The following DCUN1D2 variants were observed in gnomAD, a reference collection of about 807,000 sequenced individuals.
DCUN1D2 encodes defective in cullin neddylation 1 domain containing 2.
A neutral mutation model predicts 30.9 loss-of-function variants in DCUN1D2; 29 were observed. The observed-to-expected ratio is 0.94, with a 90% CI of 0.70 to 1.28. The LOEUF is 1.28. Ranked by LOEUF, DCUN1D2 falls within the 50% of genes most tolerant of loss-of-function variation. The pLI, the probability that DCUN1D2 is intolerant of heterozygous loss-of-function variation, is 0.00. For synonymous variants in DCUN1D2, 121 were observed against 115.3 expected (o/e 1.05, Z -0.32); for missense variants, 325 against 316.9 (o/e 1.03, Z -0.19).
At chr13:113,490,723 G>A (rs560405965), upstream of DCUN1D2, 694 of 1,184,802 alleles carry the variant, frequency 5.9e-4, 5 homozygotes, top group African/African-American at 9.7e-3. The surrounding 1 kb of genome is among the most constrained non-coding windows in gnomAD (Gnocchi z 5.2). Context: ...CAGGCGCGGC[G>A]GCGGCTCCGC....
At chr13:113,491,402 C>T (rs1462792909), upstream of DCUN1D2, 2 of 149,604 alleles carry the variant, frequency 1.3e-5, no homozygotes, top group Non-Finnish European at 3.0e-5. Flanking sequence ...CAAGGGTCCC[C>T]TTCCTTCCTT....
intron 2 of DCUN1D2, among the ~76,000 whole-genome samples, chr13:113,481,156 C>T (rs1028071413): frequency 6.6e-6 from 1 of 152,082 alleles, no homozygotes; most frequent in Non-Finnish European, 1.5e-5. Flanking sequence ...ACAACTCTGC[C>T]AAAGTAAATG....
intron 2 of DCUN1D2, among the ~76,000 whole-genome samples, chr13:113,482,630 T>C (rs2044730016): frequency 6.6e-6 from 1 of 151,854 alleles, no homozygotes; most frequent in Admixed American, 6.6e-5. Context: ...TTTTAAAAAG[T>C]AAAAAACGAA....
intron 1 of DCUN1D2, chr13:113,484,264 A>C: frequency 1.8e-6 from 2 of 1,086,422 alleles, no homozygotes; most frequent in Non-Finnish European, 2.5e-6. Flanking sequence ...AATTATGAGA[A>C]TTAACATTTT....
In DCUN1D2 at chr13:113,480,614, A is replaced by T; in HGVS notation, c.350T>A (p.Phe117Tyr). 5 of 1,614,150 alleles carry T rather than the reference A, an allele frequency of 3.1e-6. No individual in the cohort carries two copies. Among genetic ancestry groups the T allele is most frequent in the Non-Finnish European group, 4.2e-6 (5 of 1,180,018 alleles). ...WKFRAATQCEFSRKEFLDGMT... is the reference protein window; with the variant it reads ...WKFRAATQCEYSRKEFLDGMT... Reference sequence around the variant, plus strand: ...GCCATCTAGAAATTCCTTTCTGCTAAATTCACACTGAGTTGCTGCCCTGAA... The same window carrying T: ...GCCATCTAGAAATTCCTTTCTGCTATATTCACACTGAGTTGCTGCCCTGAA... Residue 117 changes from phenylalanine to tyrosine, a missense_variant, in exon 3 of 7, where the codon TTT becomes TAT. By Grantham distance (22) the Phe-to-Tyr change is conservative (BLOSUM62 3). Coordinates refer to ENST00000478244, the MANE Select transcript of DCUN1D2 (RefSeq NM_001014283.2).
intron 4 of DCUN1D2, among the ~76,000 whole-genome samples, chr13:113,472,739 A>G (rs1322084436): frequency 6.6e-6 from 1 of 152,166 alleles, no homozygotes; most frequent in Non-Finnish European, 1.5e-5. Flanking sequence ...GGAGGTCTCG[A>G]CACTGCTGGT....
At position 113,461,199 on chromosome 13, in the gene DCUN1D2, C is replaced by A. The variant is rs142413449; in HGVS notation, c.521-63G>T. Reference sequence around the variant, plus strand: ...CTCTCTTTTTCTACTGCACAAAAAACGACCACTTCTTAGCATGTCAATATT... The same window carrying A: ...CTCTCTTTTTCTACTGCACAAAAAAAGACCACTTCTTAGCATGTCAATATT... On this transcript the variant is annotated intron_variant, in intron 4 of 6. Transcript: ENST00000478244. 754 of 1,027,886 alleles carry A rather than the reference C, an allele frequency of 7.3e-4. 5 individuals carry two copies. The African/African-American group carries it at 0.011, about 14-fold the overall frequency. 63.7% of individuals were successfully genotyped at this position (1,027,886 alleles called of 1,614,324 possible).
intron 1 of DCUN1D2, among the ~76,000 whole-genome samples, chr13:113,489,560 T>C (rs754859557): frequency 6.6e-6 from 1 of 152,038 alleles, no homozygotes; most frequent in African/African-American, 2.4e-5. Context: ...TCAGTCTCCT[T>C]TGTGGCTCTT....
chr13:113,482,804 G>A (rs1483759930), intron 2 of DCUN1D2, among the ~76,000 whole-genome samples: 2 of 152,100 alleles, frequency 1.3e-5, no homozygotes, highest in Non-Finnish European at 2.9e-5. Flanking sequence ...TTAGCTGGGC[G>A]TGGTGGCATG....
At chr13:113,470,772 C>G (rs1473968632) in intron 4 of DCUN1D2, among the ~76,000 whole-genome samples, 1 of 150,252 alleles carries the variant, frequency 6.7e-6, no homozygotes, top group Non-Finnish European at 1.5e-5. Flanking sequence ...ACAGAAGACA[C>G]AACTCCACAA....
chr13:113,461,920 G>A (rs947626497), intron 4 of DCUN1D2, among the ~76,000 whole-genome samples: 4 of 152,170 alleles, frequency 2.6e-5, no homozygotes, highest in African/African-American at 9.7e-5. Context: ...TTATATGCTT[G>A]ACACAGCAAG....
At chr13:113,468,328 G>T (rs2044442134) in intron 4 of DCUN1D2, among the ~76,000 whole-genome samples, 1 of 152,172 alleles carries the variant, frequency 6.6e-6, no homozygotes, top group Non-Finnish European at 1.5e-5. Context: ...CCCAAGAGGA[G>T]TCAACTCCAG....
chr13:113,490,221 G>A lies in DCUN1D2; in HGVS notation c.3+446C>T, dbSNP rs1189239861. On this transcript the variant is annotated intron_variant, in intron 1 of 6. Coordinates refer to ENST00000478244, the MANE Select transcript of DCUN1D2 (RefSeq NM_001014283.2). This position sits in a 1 kb window ranked among gnomAD's most constrained non-coding sequence, Gnocchi z 5.2. ...CTCCCGGCAGCAGGGCCTCCCCCGCGAATCTGAGCTTCTCGCGGATTCCTT... is the reference window on the plus strand; with the variant it reads ...CTCCCGGCAGCAGGGCCTCCCCCGCAAATCTGAGCTTCTCGCGGATTCCTT... Among the ~76,000 whole-genome samples the A allele has an allele frequency of 6.6e-6, 1 of 152,088 alleles. No homozygotes were observed. The highest frequency in any genetic ancestry group is 1.5e-5 in the Non-Finnish European group (1 of 68,016).
At chr13:113,467,608 T>C (rs1297419298) in intron 4 of DCUN1D2, among the ~76,000 whole-genome samples, 1 of 152,132 alleles carries the variant, frequency 6.6e-6, no homozygotes, top group African/African-American at 2.4e-5. Flanking sequence ...CAGCAATTGT[T>C]GTCAGGATGT....
At chr13:113,485,652 G>C (rs2044789062) in intron 1 of DCUN1D2, among the ~76,000 whole-genome samples, 2 of 151,702 alleles carry the variant, frequency 1.3e-5, no homozygotes, top group Non-Finnish European at 2.9e-5. Context: ...CCAGCTTCCA[G>C]AAGTTTTTTT....
At chr13:113,486,549 TAAG>T (rs1177104608) in intron 1 of DCUN1D2, among the ~76,000 whole-genome samples, 1 of 152,138 alleles carries the variant, frequency 6.6e-6, no homozygotes, top group East Asian at 1.9e-4. Flanking sequence ...ACTAAACACT[TAAG>T]AGAATGGCTA....
At chr13:113,478,704 G>A (rs1398731180) in intron 3 of DCUN1D2, among the ~76,000 whole-genome samples, 8 of 151,918 alleles carry the variant, frequency 5.3e-5, no homozygotes, top group Admixed American at 5.2e-4. Context: ...CTCATCCCAA[G>A]GGTTACTTAG....
chr13:113,464,108 C>G (rs1408640975), intron 4 of DCUN1D2, among the ~76,000 whole-genome samples: 4 of 152,192 alleles, frequency 2.6e-5, no homozygotes, highest in African/African-American at 9.7e-5. Context: ...GAAGTGTTTA[C>G]AAAATCTAAT....
chr13:113,491,374 C>G (rs548785363), upstream of DCUN1D2: 1 of 151,066 alleles, frequency 6.6e-6, no homozygotes, highest in East Asian at 1.9e-4. Flanking sequence ...CGGGGCTCAC[C>G]TTCCCTTCTT....
Sources: allele counts gnomAD v4.1 joint callset (sites outside exome capture counted in the v4.1 genomes callset), GRCh38; gene constraint gnomAD v4.1.1; non-coding constraint Gnocchi (gnomAD v3.1); transcripts MANE v1.5; gene names NCBI Gene and HGNC (gene_info 2026-07-23, HGNC 2026-07-21).